The following CAB39 variants were observed in gnomAD, a reference collection of about 807,000 sequenced individuals.
CAB39 encodes the protein calcium-binding protein 39.
A neutral mutation model predicts 40.0 loss-of-function variants in CAB39; 8 were observed. The observed-to-expected ratio is 0.20, with a 90% CI of 0.12 to 0.36. The LOEUF is 0.36. Ranked by LOEUF, CAB39 falls within the 10% of genes least tolerant of loss-of-function variation. CAB39 has a pLI of 1.00. For synonymous variants in CAB39, 156 were observed against 141.6 expected (o/e 1.10, Z -0.72); for missense variants, 270 against 401.1 (o/e 0.67, Z 2.79).
At chr2:230,757,182 C>G (rs112735046) in intron 1 of CAB39, among the ~76,000 whole-genome samples, 2 of 152,158 alleles carry the variant, frequency 1.3e-5, no homozygotes, top group Non-Finnish European at 2.9e-5. Flanking sequence ...GTCACCACCT[C>G]TTAGGCTCAA....
chr2:230,739,359 T>C (rs1028671342), intron 1 of CAB39, among the ~76,000 whole-genome samples: 1 of 152,250 alleles, frequency 6.6e-6, no homozygotes, highest in Non-Finnish European at 1.5e-5. Flanking sequence ...TGTTAGGGTA[T>C]CTGTGAATAA....
intron 2 of CAB39, among the ~76,000 whole-genome samples, chr2:230,761,631 T>C (rs1165829487): frequency 6.6e-6 from 1 of 152,176 alleles, no homozygotes; most frequent in East Asian, 1.9e-4. Flanking sequence ...CTCTAAATGG[T>C]CCTGGCTTCG....
chr2:230,735,211 G>T (rs1442455344), intron 1 of CAB39, among the ~76,000 whole-genome samples: 3 of 152,080 alleles, frequency 2.0e-5, no homozygotes, highest in Non-Finnish European at 4.4e-5. Flanking sequence ...CTGTCACCCA[G>T]GCTGGAGTGC....
chr2:230,788,698 G>A (rs916752353), intron 2 of CAB39, among the ~76,000 whole-genome samples: 1 of 152,070 alleles, frequency 6.6e-6, no homozygotes, highest in Non-Finnish European at 1.5e-5. Flanking sequence ...TGACAATTTG[G>A]TTGTGTTTTT....
Position 230,819,651 on chromosome 2 carries a change from AT to A in CAB39, c.*948del, listed in dbSNP as rs1309723876. Reference sequence around the variant, plus strand: ...GAAAATGCTGATTTAACATTTAAGTATCACAGCATTAAAAGAAAAAGAAAGT... The same window carrying A: ...GAAAATGCTGATTTAACATTTAAGTACACAGCATTAAAAGAAAAAGAAAGT... On this transcript the variant is annotated 3_prime_UTR_variant, in exon 9 of 9. Transcript: ENST00000258418. 6.6e-6 allele frequency: 1 copy of A among 152,570 alleles called. No individual in the cohort carries two copies. Among genetic ancestry groups the A allele is most frequent in the Non-Finnish European group, 1.5e-5 (1 of 68,046 alleles). The allele number at this position is 152,570 out of a possible 1,614,324, so 9.5% of individuals were successfully genotyped here.
intron 2 of CAB39, among the ~76,000 whole-genome samples, chr2:230,778,661 A>C (rs1221982397): frequency 6.6e-6 from 1 of 152,152 alleles, no homozygotes; most frequent in Non-Finnish European, 1.5e-5. Context: ...TCATAGCCTT[A>C]GTGCTACTTG....
chr2:230,764,131 AAAAAC>A (rs1321401954), intron 2 of CAB39, among the ~76,000 whole-genome samples: 2 of 152,086 alleles, frequency 1.3e-5, no homozygotes, highest in Admixed American at 6.5e-5. Context: ...AAAACAAAAA[AAAAAC>A]AAAACAAAGA....
intron 2 of CAB39, among the ~76,000 whole-genome samples, chr2:230,786,163 CAAAAAAAAA>C (rs369510604): frequency 6.6e-4 from 48 of 72,744 alleles, no homozygotes; most frequent in African/African-American, 1.7e-3. Context: ...GACTCTGTCT[CAAAAAAAAA>C]AAAAAAAAAA....
chr2:230,797,012 T>C (rs1358363911), intron 4 of CAB39, among the ~76,000 whole-genome samples: 1 of 152,226 alleles, frequency 6.6e-6, no homozygotes, highest in Non-Finnish European at 1.5e-5. Context: ...TTTGTCTTTA[T>C]TTGATTAGCT....
chr2:230,732,072 ATC>A (rs950098630), intron 1 of CAB39, among the ~76,000 whole-genome samples: 88 of 150,732 alleles, frequency 5.8e-4, no homozygotes, highest in Non-Finnish European at 9.7e-4. Flanking sequence ...TGGTGAAATT[ATC>A]TCTCTCTTTT....
chr2:230,763,767 T>G (rs951918456), intron 2 of CAB39, among the ~76,000 whole-genome samples: 1 of 152,222 alleles, frequency 6.6e-6, no homozygotes, highest in Non-Finnish European at 1.5e-5. Context: ...TTTTATACTC[T>G]GTACTTTGAA....
intron 2 of CAB39, among the ~76,000 whole-genome samples, chr2:230,774,011 A>G (rs1416059849): frequency 6.6e-6 from 1 of 152,134 alleles, no homozygotes; most frequent in Non-Finnish European, 1.5e-5. Flanking sequence ...ATACTTTGCA[A>G]GGTGCCTTTG....
At position 230,818,103 on chromosome 2, in the gene CAB39, T is replaced by C. The variant is rs563064281; in HGVS notation, c.837+206T>C. The C allele has an allele frequency of 1.3e-5, 7 of 546,922 alleles. No individual in the cohort carries two copies. In the East Asian group the frequency reaches 2.3e-4, roughly 18 times the overall value. The allele number at this position is 546,922 out of a possible 1,614,324, so 33.9% of individuals were successfully genotyped here. On this transcript the variant is annotated intron_variant, in intron 8 of 8. Transcript: ENST00000258418. ...TGTTTGGATCTGGGAACGAGAAGGT[T>C]TGTTCATAGAAGAGTGTCATTTATC...
At chr2:230,717,076 C>A (rs1041139223) in intron 1 of CAB39, among the ~76,000 whole-genome samples, 1 of 151,916 alleles carries the variant, frequency 6.6e-6, no homozygotes, top group Non-Finnish European at 1.5e-5. Flanking sequence ...TTTAATTGGG[C>A]ATTTGATTTT....
intron 5 of CAB39, among the ~76,000 whole-genome samples, chr2:230,801,150 AGG>A: frequency 6.6e-6 from 1 of 152,310 alleles, no homozygotes; most frequent in African/African-American, 2.4e-5. Context: ...CCCCCAAAAG[AGG>A]GTTCTCCAAG....
chr2:230,752,907 A>T (rs142513038), intron 1 of CAB39, among the ~76,000 whole-genome samples: 64 of 152,308 alleles, frequency 4.2e-4, no homozygotes, highest in African/African-American at 1.4e-3. Context: ...CAGGACTTAG[A>T]TGAAATTTGG....
chr2:230,733,951 T>G (rs910675270), intron 1 of CAB39, among the ~76,000 whole-genome samples: 5 of 152,226 alleles, frequency 3.3e-5, no homozygotes, highest in Non-Finnish European at 5.9e-5. Flanking sequence ...TTTTTTTCTT[T>G]GTTTCTTCCC....
intron 2 of CAB39, among the ~76,000 whole-genome samples, chr2:230,770,777 A>G (rs1170203105): frequency 6.6e-6 from 1 of 152,214 alleles, no homozygotes; most frequent in Non-Finnish European, 1.5e-5. Context: ...AATCAGTATA[A>G]TTCACTATAT....
intron 1 of CAB39, among the ~76,000 whole-genome samples, chr2:230,742,389 A>G (rs1425867396): frequency 6.6e-6 from 1 of 152,068 alleles, no homozygotes; most frequent in Non-Finnish European, 1.5e-5. Flanking sequence ...GTTAGCCAGG[A>G]TGGTCTCGAT....
Sources: gnomAD v4.1 joint callset for allele counts (sites outside exome capture counted in the v4.1 genomes callset) on GRCh38, gnomAD v4.1.1 for gene constraint, MANE v1.5 for transcripts, NCBI Gene and HGNC (gene_info 2026-07-23, HGNC 2026-07-21) for gene names.